The following TMC1 variants were observed in gnomAD, a reference collection of about 807,000 sequenced individuals.
TMC1 encodes transmembrane channel-like protein 1.
Under a neutral mutation model 105.8 loss-of-function variants are expected in TMC1, and 84 were observed. That is an observed-to-expected ratio of 0.79 (90% CI 0.67 to 0.95). TMC1 has a LOEUF of 0.95. Ranked by LOEUF, TMC1 falls within the 40% of genes least tolerant of loss-of-function variation. The probability of loss-of-function intolerance (pLI) is 0.00; values close to 1 mark genes in which losing one functional copy is unlikely to be tolerated. For synonymous variants in TMC1, 315 were observed against 311.5 expected (o/e 1.01, Z -0.12); for missense variants, 817 against 914.1 (o/e 0.89, Z 1.37).
In TMC1 at chr9:72,643,286, T is replaced by C. The variant is rs370686569; in HGVS notation, c.-52-5311T>C. On this transcript the variant is annotated intron_variant, in intron 4 of 23. Coordinates refer to ENST00000297784, the MANE Select transcript of TMC1 (RefSeq NM_138691.3). ...GGCCCATGCATGGCTTGTATTTCAA[T>C]AGCTCTATTGAGATAAAACTCATAT... Among the ~76,000 whole-genome samples the C allele has an allele frequency of 1.6e-3, 250 of 152,276 alleles. 2 individuals carry two copies. Among genetic ancestry groups the C allele is most frequent in the African/African-American group, 5.9e-3 (245 of 41,576 alleles).
At chr9:72,576,144 G>A (rs1042233552) in intron 1 of TMC1, among the ~76,000 whole-genome samples, 3 of 152,198 alleles carry the variant, frequency 2.0e-5, no homozygotes, top group African/African-American at 7.2e-5. Context: ...TAAGCTGTAG[G>A]AAATCAACTC....
intron 1 of TMC1, among the ~76,000 whole-genome samples, chr9:72,528,044 A>G (rs764011024): frequency 3.9e-5 from 6 of 152,046 alleles, no homozygotes; most frequent in Non-Finnish European, 7.4e-5. Flanking sequence ...CGCCAAACTT[A>G]TATGTTGAAA....
Position 72,820,881 on chromosome 9 carries a change from T to A in TMC1, c.1803T>A (p.Asn601Lys). 1 of 1,614,208 alleles carries A rather than the reference T, an allele frequency of 6.2e-7. No homozygotes were observed. The highest frequency in any genetic ancestry group is 8.5e-7 in the Non-Finnish European group (1 of 1,180,034). The part of the protein sequence containing the change: ...SFFAPSLPGI[N>K]ILRLHTSMYF... ...TTGCTCCCAGCCTCCCAGGCATCAA[T>A]ATCCTTCGACTCCATACATCCATGT... The change falls in exon 20 of 24, where the codon AAT (asparagine) becomes AAA (lysine). Residue 601 changes from asparagine (N) to lysine (K), a missense_variant. By Grantham distance (94) the Asn-to-Lys change is moderately conservative (BLOSUM62 0). Transcript: ENST00000297784.
At chr9:72,707,223 T>C (rs1826757405) in intron 8 of TMC1, among the ~76,000 whole-genome samples, 2 of 152,362 alleles carry the variant, frequency 1.3e-5, no homozygotes, top group South Asian at 2.1e-4. Flanking sequence ...TAAACATGCA[T>C]GTGTAAGTAT....
intron 18 of TMC1, among the ~76,000 whole-genome samples, chr9:72,807,294 G>A (rs921817133): frequency 1.3e-5 from 2 of 152,136 alleles, no homozygotes; most frequent in African/African-American, 4.8e-5. Flanking sequence ...GTAATTTTGC[G>A]CTTATAAGGT....
chr9:72,644,678 A>T (rs1450013340), intron 4 of TMC1, among the ~76,000 whole-genome samples: 1 of 152,204 alleles, frequency 6.6e-6, no homozygotes, highest in East Asian at 1.9e-4. Context: ...AAAGTTAGGT[A>T]GTAAAAGTCT....
chr9:72,711,887 T>A (rs1352643825), intron 8 of TMC1, among the ~76,000 whole-genome samples: 1 of 152,138 alleles, frequency 6.6e-6, no homozygotes, highest in Non-Finnish European at 1.5e-5. Context: ...TCTTCTAGGG[T>A]TTTTACGGTT....
intron 2 of TMC1, among the ~76,000 whole-genome samples, chr9:72,598,964 G>C (rs950812873): frequency 6.6e-6 from 1 of 152,192 alleles, no homozygotes; most frequent in Admixed American, 6.5e-5. Context: ...GAGCAAGGAG[G>C]AATTTGTAGG....
chr9:72,730,770 C>T (rs990664406), intron 8 of TMC1, among the ~76,000 whole-genome samples: 13 of 152,180 alleles, frequency 8.5e-5, no homozygotes, highest in African/African-American at 2.4e-4. Context: ...TGCAACTATA[C>T]GATCCCATCT....
chr9:72,834,906 T>A (rs2118345362), intron 23 of TMC1, among the ~76,000 whole-genome samples: 1 of 152,304 alleles, frequency 6.6e-6, no homozygotes, highest in South Asian at 2.1e-4. Context: ...CCTCTTTGTA[T>A]TGGTTCCTTA....
intron 10 of TMC1, among the ~76,000 whole-genome samples, chr9:72,750,665 G>T (rs1827567922): frequency 6.6e-6 from 1 of 152,076 alleles, no homozygotes; most frequent in Non-Finnish European, 1.5e-5. Flanking sequence ...AGCTGAAGTG[G>T]TTTTTTAAAA....
intron 3 of TMC1, among the ~76,000 whole-genome samples, chr9:72,616,892 C>T (rs1284630918): frequency 6.6e-6 from 1 of 152,090 alleles, no homozygotes; most frequent in African/African-American, 2.4e-5. Context: ...TCCATCAAAT[C>T]ACATTAGTGT....
At chr9:72,805,248 A>T in intron 17 of TMC1, 134 bp from the exon 18 acceptor site, 1 of 763,774 alleles carries the variant, frequency 1.3e-6, no homozygotes, top group Non-Finnish European at 2.2e-6. Context: ...TGATATGACT[A>T]GTTGTTTTCT....
intron 21 of TMC1, among the ~76,000 whole-genome samples, chr9:72,828,038 C>A (rs530908229): frequency 2.0e-5 from 3 of 152,246 alleles, no homozygotes; most frequent in Admixed American, 1.3e-4. Flanking sequence ...TTTCCCTAGA[C>A]AAGAGAGAGA....
intron 5 of TMC1, 141 bp downstream of exon 5, chr9:72,648,805 A>G: frequency 1.4e-6 from 1 of 738,300 alleles, no homozygotes; most frequent in South Asian, 1.5e-5. Context: ...TTCTGTGGGT[A>G]GTTTCCCTTT....
chr9:72,562,651 C>T (rs1824077713), intron 1 of TMC1, among the ~76,000 whole-genome samples: 1 of 152,080 alleles, frequency 6.6e-6, no homozygotes, highest in South Asian at 2.1e-4. Flanking sequence ...CCCTAGTTAT[C>T]CCATACATAT....
rs539182693 is a variant in TMC1 at position 72,668,226 on chromosome 9, A to G, written c.16+19562A>G. Among the ~76,000 whole-genome samples the G allele has an allele frequency of 4.6e-5, 7 of 152,274 alleles. No individual in the cohort carries two copies. In the East Asian group the frequency reaches 1.2e-3, roughly 25 times the overall value. On this transcript the variant is annotated intron_variant, in intron 5 of 23. Transcript: ENST00000297784. ...CTTATTTAATGATCACAACATTCCT[A>G]TGATGTTATTTGTTTTCATAATTTG...
intron 5 of TMC1, among the ~76,000 whole-genome samples, chr9:72,666,186 C>T (rs1005737704): frequency 2.6e-5 from 4 of 150,972 alleles, no homozygotes; most frequent in East Asian, 3.9e-4. Flanking sequence ...GAGGCCAAGG[C>T]GGGAGGATTG....
intron 5 of TMC1, among the ~76,000 whole-genome samples, chr9:72,678,649 G>GTA (rs1481280498): frequency 2.6e-5 from 4 of 151,902 alleles, no homozygotes; most frequent in Non-Finnish European, 4.4e-5. Context: ...TATGCAGTAT[G>GTA]TATATATATA....
Sources: allele counts gnomAD v4.1 joint callset (sites outside exome capture counted in the v4.1 genomes callset), GRCh38; gene constraint gnomAD v4.1.1; transcripts MANE v1.5; gene names NCBI Gene and HGNC (gene_info 2026-07-23, HGNC 2026-07-21).